Variants in DOCK4 observed in about 807,000 individuals in gnomAD.
DOCK4 encodes dedicator of cytokinesis protein 4.
A neutral mutation model predicts 268.1 loss-of-function variants in DOCK4; 97 were observed. That is an observed-to-expected ratio of 0.36 (90% confidence interval 0.31 to 0.43). DOCK4 has a LOEUF of 0.43. Among genes scored for constraint, DOCK4 ranks in the 20% least tolerant of loss-of-function variants. The probability of loss-of-function intolerance (pLI) is 1.00; values close to 1 mark genes in which losing one functional copy is unlikely to be tolerated. For missense variants in DOCK4, 2,145 were observed against 2,455.7 expected (o/e 0.87, Z 2.67); for synonymous variants, 954 against 887.2 (o/e 1.08, Z -1.34).
chr7:112,108,936 G>A (rs1381646728), intron 1 of DOCK4, among the ~76,000 whole-genome samples: 1 of 152,108 alleles, frequency 6.6e-6, no homozygotes, highest in Non-Finnish European at 1.5e-5. Context: ...ATGTAAAGGT[G>A]ACAAATCTCT....
chr7:112,059,827 T>C (rs1320258757), intron 1 of DOCK4, among the ~76,000 whole-genome samples: 2 of 152,214 alleles, frequency 1.3e-5, no homozygotes, highest in African/African-American at 4.8e-5. Context: ...CCTTTTCAGA[T>C]AGCATATCTA....
intron 8 of DOCK4, among the ~76,000 whole-genome samples, chr7:111,955,669 A>G (rs1796399901): frequency 6.6e-6 from 1 of 152,236 alleles, no homozygotes; most frequent in African/African-American, 2.4e-5. Flanking sequence ...TTTAGGAAAG[A>G]GTTTTTAGGA....
intron 7 of DOCK4, among the ~76,000 whole-genome samples, chr7:111,980,526 A>T (rs1392958347): frequency 6.6e-6 from 1 of 152,146 alleles, no homozygotes; most frequent in African/African-American, 2.4e-5. Context: ...TTAATCTTCA[A>T]ATAATGCATT....
chr7:111,958,134 A>G (rs1452945998), intron 8 of DOCK4, among the ~76,000 whole-genome samples: 1 of 152,180 alleles, frequency 6.6e-6, no homozygotes, highest in Non-Finnish European at 1.5e-5. Flanking sequence ...TAATAGCATG[A>G]TCTCTTAATG....
chr7:112,091,936 A>G (rs1809670204), intron 1 of DOCK4, among the ~76,000 whole-genome samples: 1 of 152,080 alleles, frequency 6.6e-6, no homozygotes. Context: ...CTTTATCCCC[A>G]TTTGACCATG....
chr7:111,792,626 AC>A (rs1316542155), intron 30 of DOCK4, among the ~76,000 whole-genome samples: 1 of 151,730 alleles, frequency 6.6e-6, no homozygotes, highest in African/African-American at 2.4e-5. Context: ...CAGGTGATCC[AC>A]CCGCCTCAGC....
At chr7:112,068,644 C>A (rs1359137027) in intron 1 of DOCK4, among the ~76,000 whole-genome samples, 3 of 152,138 alleles carry the variant, frequency 2.0e-5, no homozygotes, top group African/African-American at 7.2e-5. Flanking sequence ...ATAAGGCAAC[C>A]TAAAGAGCAA....
At chr7:111,993,996 T>C in intron 5 of DOCK4, 139 bp downstream of exon 5, 1 of 492,332 alleles carries the variant, frequency 2.0e-6, no homozygotes, top group Non-Finnish European at 3.6e-6. Context: ...GTAACAAGAC[T>C]GTCTTGTTAA....
chr7:111,747,477 T>G (rs1319000342), intron 42 of DOCK4, 34 bp from the exon 43 acceptor site: 3 of 1,532,264 alleles, frequency 2.0e-6, no homozygotes, highest in Non-Finnish European at 2.6e-6. Context: ...ATATATTGAA[T>G]TTGTGACATT....
chr7:111,828,180 A>T (rs10247320), intron 26 of DOCK4, among the ~76,000 whole-genome samples: 87,012 of 152,062 alleles, frequency 0.57, 27,908 homozygotes, highest in African/African-American at 0.89. Context: ...TGTTCATTTT[A>T]AAATAATATT....
chr7:111,781,084 A>C (rs1798759773), intron 35 of DOCK4, among the ~76,000 whole-genome samples: 2 of 152,178 alleles, frequency 1.3e-5, no homozygotes, highest in South Asian at 4.1e-4. Flanking sequence ...CAAGGAAGTG[A>C]TCTCTTCTTT....
intron 23 of DOCK4, among the ~76,000 whole-genome samples, chr7:111,861,336 AAGTCCTTCAAC>A (rs1448122834): frequency 6.6e-6 from 1 of 152,212 alleles, no homozygotes; most frequent in Non-Finnish European, 1.5e-5. Flanking sequence ...AATATCTCAA[AAGTCCTTCAAC>A]AGGAGAAAAA....
At chr7:111,950,895 T>C (rs1328742020) in intron 8 of DOCK4, among the ~76,000 whole-genome samples, 1 of 152,242 alleles carries the variant, frequency 6.6e-6, no homozygotes, top group Non-Finnish European at 1.5e-5. Flanking sequence ...TGTCTTCCTC[T>C]TCTTACAGAA....
Position 111,877,154 on chromosome 7 carries a change from G to T in DOCK4, c.1620C>A (p.Thr540=). 6.4e-7 allele frequency: 1 copy of T among 1,565,364 alleles called. No homozygotes were observed. The highest frequency in any genetic ancestry group is 2.4e-5 in the East Asian group (1 of 42,506). The part of the protein sequence containing the change: ...CEENTNLQDT[T]RYLKLPFSKG... ...TGGAAAAGGGAAGTTTGAGGTAGCG[G>T]GTAGTATCCTGAAGATTTGTGTTTT... Residue 540 remains threonine (T), a synonymous_variant, in exon 17 of 53, where the codon ACC becomes ACA. Transcript: ENST00000428084.
At chr7:111,760,736 TTTTGTGTGTGTGTG>T (rs1411891396) in intron 39 of DOCK4, among the ~76,000 whole-genome samples, 3,216 of 123,174 alleles carry the variant, frequency 0.026, 90 homozygotes, top group African/African-American at 0.077. Context: ...GTTGTCTGCT[TTTTGTGTGTGTGTG>T]TGTGTGTGTG....
intron 9 of DOCK4, 89 bp from the exon 10 acceptor site, chr7:111,944,960 GAGATGGAC>G: frequency 2.7e-5 from 27 of 1,016,398 alleles, no homozygotes; most frequent in East Asian, 4.8e-5. Flanking sequence ...AAAGAAGAAA[GAGATGGAC>G]ACAGACATTC....
intron 1 of DOCK4, among the ~76,000 whole-genome samples, chr7:112,072,968 G>A (rs562432504): frequency 6.6e-6 from 1 of 152,296 alleles, no homozygotes; most frequent in South Asian, 2.1e-4. Context: ...TGCGCATGCA[G>A]ACAGCCCACC....
intron 13 of DOCK4, among the ~76,000 whole-genome samples, chr7:111,905,634 A>T (rs893434053): frequency 2.0e-5 from 3 of 151,898 alleles, no homozygotes; most frequent in African/African-American, 7.3e-5. Flanking sequence ...CATGTAAACC[A>T]CTGTACACTG....
chr7:112,129,708 T>C (rs1403499045), intron 1 of DOCK4, among the ~76,000 whole-genome samples: 1 of 152,126 alleles, frequency 6.6e-6, no homozygotes, highest in Non-Finnish European at 1.5e-5. Flanking sequence ...ATTTCAAATG[T>C]AAGTAAAAGA....
Sources: gnomAD v4.1 joint callset for allele counts (sites outside exome capture counted in the v4.1 genomes callset) on GRCh38, gnomAD v4.1.1 for gene constraint, MANE v1.5 for transcripts, NCBI Gene and HGNC (gene_info 2026-07-23, HGNC 2026-07-21) for gene names.